The following AKAP7 variants were observed in gnomAD, a reference collection of about 807,000 sequenced individuals.
AKAP7 encodes the protein A kinase (PRKA) anchor protein 7.
A neutral mutation model predicts 39.5 loss-of-function variants in AKAP7; 39 were observed. The observed-to-expected ratio is 0.99, with a 90% CI of 0.76 to 1.29. The LOEUF is 1.29. Among genes scored for constraint, AKAP7 ranks in the 50% most tolerant of loss-of-function variants. The pLI, the probability that AKAP7 is intolerant of heterozygous loss-of-function variation, is 0.00. For synonymous variants in AKAP7, 140 were observed against 139.1 expected, an observed-to-expected ratio of 1.01 and a Z score of -0.05; for missense variants, 414 against 407.7, an observed-to-expected ratio of 1.02 and a Z score of -0.13.
chr6:131,247,922 G>A (rs917404652), intron 7 of AKAP7, among the ~76,000 whole-genome samples: 1 of 152,180 alleles, frequency 6.6e-6, no homozygotes, highest in Non-Finnish European at 1.5e-5. Context: ...GAGCCATGGT[G>A]CCTGTCCCTA....
intron 7 of AKAP7, among the ~76,000 whole-genome samples, chr6:131,278,894 T>C (rs1814969833): frequency 6.6e-6 from 1 of 152,076 alleles, no homozygotes; most frequent in Non-Finnish European, 1.5e-5. Flanking sequence ...TTCTAATTGC[T>C]GAAAGAGAGG....
At chr6:131,242,384 T>C (rs371895470) in intron 7 of AKAP7, among the ~76,000 whole-genome samples, 1 of 152,280 alleles carries the variant, frequency 6.6e-6, no homozygotes, top group South Asian at 2.1e-4. Flanking sequence ...ACAGTTTTGC[T>C]ACTTGTTCTC....
intron 7 of AKAP7, among the ~76,000 whole-genome samples, chr6:131,247,785 G>A (rs1216247257): frequency 1.3e-5 from 2 of 151,884 alleles, no homozygotes; most frequent in African/African-American, 2.4e-5. Flanking sequence ...GTGCCACTAT[G>A]CCCAGCTAAT....
intron 7 of AKAP7, among the ~76,000 whole-genome samples, chr6:131,238,068 CT>C (rs1270996516): frequency 6.6e-6 from 1 of 152,050 alleles, no homozygotes; most frequent in Non-Finnish European, 1.5e-5. Context: ...CCTCTACACA[CT>C]GCTTTGAATG....
rs376271731 is a variant in AKAP7 at position 131,281,730 on chromosome 6, C to T, written c.*4C>T. ...CAATGAGAACAACAGGAAATGAGCCCGGAACGCAGGCCCCCATGTCTCTGT... is the reference window on the plus strand; with the variant it reads ...CAATGAGAACAACAGGAAATGAGCCTGGAACGCAGGCCCCCATGTCTCTGT... On this transcript the variant is annotated 3_prime_UTR_variant, in exon 8 of 8. Coordinates refer to ENST00000431975, the MANE Select transcript of AKAP7 (RefSeq NM_016377.4). The surrounding 1 kb of genome is among the most constrained non-coding windows in gnomAD (Gnocchi z 4.0). 2.5e-5 allele frequency: 39 copies of T among 1,591,022 alleles called. No individual in the cohort carries two copies. Among genetic ancestry groups the T allele is most frequent in the Admixed American group, 6.9e-5 (4 of 57,940 alleles).
chr6:131,222,802 TGAA>T (rs1809821250), intron 7 of AKAP7, among the ~76,000 whole-genome samples: 1 of 152,240 alleles, frequency 6.6e-6, no homozygotes, highest in Non-Finnish European at 1.5e-5. Context: ...GCTCCAATTT[TGAA>T]GAAGTTTTAC....
At chr6:131,216,329 A>G (rs1385153717) in intron 6 of AKAP7, among the ~76,000 whole-genome samples, 1 of 152,216 alleles carries the variant, frequency 6.6e-6, no homozygotes, top group Admixed American at 6.5e-5. Flanking sequence ...TCTTTGGTAC[A>G]TATTAAATTA....
intron 7 of AKAP7, among the ~76,000 whole-genome samples, chr6:131,247,269 G>GTATATATATATATATA (rs60033504): frequency 2.2e-5 from 2 of 91,920 alleles, no homozygotes; most frequent in Non-Finnish European, 4.0e-5. Context: ...CATTTCATAT[G>GTATATATATATATATA]TATATATATA....
chr6:131,263,994 C>T (rs1386400131), intron 7 of AKAP7, among the ~76,000 whole-genome samples: 1 of 152,180 alleles, frequency 6.6e-6, no homozygotes, highest in Admixed American at 6.5e-5. Flanking sequence ...TTTTTCCCCC[C>T]ATTCTTTACT....
At chr6:131,233,895 T>G (rs1458174637) in intron 7 of AKAP7, among the ~76,000 whole-genome samples, 2 of 152,218 alleles carry the variant, frequency 1.3e-5, no homozygotes, top group African/African-American at 4.8e-5. Context: ...AGCTAGACCC[T>G]GATTACTATT....
chr6:131,130,914 G>T (rs9372991), upstream of AKAP7, among the ~76,000 whole-genome samples: 1 of 151,906 alleles, frequency 6.6e-6, no homozygotes, highest in Non-Finnish European at 1.5e-5. Context: ...CTTGCAGTTG[G>T]CTTTGCAGGG....
intron 7 of AKAP7, among the ~76,000 whole-genome samples, chr6:131,252,748 T>G (rs1020302215): frequency 1.3e-5 from 2 of 152,168 alleles, no homozygotes; most frequent in Non-Finnish European, 2.9e-5. Context: ...TAATAGACAT[T>G]TGGGAGGGTC....
upstream of AKAP7, among the ~76,000 whole-genome samples, chr6:131,135,264 G>A (rs1041038999): frequency 4.6e-5 from 7 of 152,216 alleles, no homozygotes; most frequent in African/African-American, 1.4e-4. Flanking sequence ...TGCGCCACGG[G>A]AAATAAATGA....
chr6:131,281,504 C>T lies in AKAP7; in HGVS notation c.851-26C>T, dbSNP rs1317524238. The stretch of plus-strand genomic sequence containing the variant: ...TTCTATGGCAATGTGATCTCAGTGA[C>T]CTCTCTTCTCTATTGTGGAATGTAG... On this transcript the variant is annotated intron_variant, in intron 7 of 7. Transcript: ENST00000431975. The surrounding 1 kb of genome is among the most constrained non-coding windows in gnomAD (Gnocchi z 4.0). 1.3e-6 allele frequency: 2 copies of T among 1,542,120 alleles called. No homozygotes were observed. Among genetic ancestry groups the T allele is most frequent in the Non-Finnish European group, 1.8e-6 (2 of 1,141,026 alleles).
intron 5 of AKAP7, among the ~76,000 whole-genome samples, chr6:131,174,497 G>A (rs1367785663): frequency 3.3e-5 from 5 of 152,236 alleles, no homozygotes; most frequent in Non-Finnish European, 7.3e-5. Flanking sequence ...GCAGACTGAG[G>A]TAGGAGGATC....
At position 131,151,077 on chromosome 6, in the gene AKAP7, C is replaced by A. The variant is rs1801870607; in HGVS notation, c.151+5661C>A. On this transcript the variant is annotated intron_variant, in intron 2 of 7. Coordinates refer to ENST00000431975, the MANE Select transcript of AKAP7 (RefSeq NM_016377.4). ...TTGTTTTTTGAGATGTAGTCTGGTG[C>A]TGTCACCCAGGCTGGAGTGTAGTGG... 2.0e-5 allele frequency among the ~76,000 whole-genome samples: 3 copies of A among 151,884 alleles called. No individual in the cohort carries two copies. The South Asian group carries it at 6.2e-4, about 32-fold the overall frequency.
At chr6:131,180,075 C>T (rs534976235) in intron 5 of AKAP7, among the ~76,000 whole-genome samples, 1 of 152,136 alleles carries the variant, frequency 6.6e-6, no homozygotes, top group South Asian at 2.1e-4. Flanking sequence ...GCTGCCCCAG[C>T]CCCCTGTTTG....
intron 7 of AKAP7, among the ~76,000 whole-genome samples, chr6:131,257,609 G>A (rs1812972183): frequency 6.6e-6 from 1 of 152,134 alleles, no homozygotes; most frequent in African/African-American, 2.4e-5. Context: ...TCCTAGCAAA[G>A]TCAACCATGA....
intron 5 of AKAP7, among the ~76,000 whole-genome samples, chr6:131,183,270 G>A (rs1296253345): frequency 6.6e-6 from 1 of 152,148 alleles, no homozygotes; most frequent in Non-Finnish European, 1.5e-5. Context: ...GTGCCACTAA[G>A]CAGAAAACTT....
Sources: gnomAD v4.1 joint callset for allele counts (sites outside exome capture counted in the v4.1 genomes callset) on GRCh38, gnomAD v4.1.1 for gene constraint, Gnocchi (gnomAD v3.1) non-coding constraint, MANE v1.5 for transcripts, NCBI Gene and HGNC (gene_info 2026-07-23, HGNC 2026-07-21) for gene names.